Variants in DCLK2 observed in about 807,000 individuals in gnomAD.
DCLK2 encodes serine/threonine-protein kinase DCLK2.
In DCLK2, 31 loss-of-function variants were observed where a neutral mutation model predicts 78.4. The observed-to-expected ratio is 0.40, with a 90% CI of 0.30 to 0.53. The LOEUF (loss-of-function observed/expected upper bound fraction) is 0.53. Among genes scored for constraint, DCLK2 ranks in the 20% least tolerant of loss-of-function variants. The probability of loss-of-function intolerance (pLI) is 0.61; values close to 1 mark genes in which losing one functional copy is unlikely to be tolerated. For missense variants in DCLK2, 872 were observed against 973.7 expected, an observed-to-expected ratio of 0.90 and a Z score of 1.39; for synonymous variants, 407 against 374.9, an observed-to-expected ratio of 1.09 and a Z score of -0.99.
At chr4:150,126,451 T>C (rs938436256) in intron 2 of DCLK2, among the ~76,000 whole-genome samples, 2 of 152,188 alleles carry the variant, frequency 1.3e-5, no homozygotes, top group Non-Finnish European at 2.9e-5. Context: ...TAACTCTTTG[T>C]AGAGGCATCA....
intron 4 of DCLK2, among the ~76,000 whole-genome samples, chr4:150,200,975 G>A (rs1212667933): frequency 2.0e-5 from 3 of 152,100 alleles, no homozygotes; most frequent in African/African-American, 7.2e-5. Context: ...GCGCCACCAC[G>A]CCTGGCTAAT....
At position 150,252,941 on chromosome 4, in the gene DCLK2, A is replaced by G. The variant is rs142235746; in HGVS notation, c.2074-3079A>G. 5.4e-3 allele frequency among the ~76,000 whole-genome samples: 818 copies of G among 152,294 alleles called. 4 individuals carry two copies. The highest frequency in any genetic ancestry group is 8.6e-3 in the Admixed American group (131 of 15,304). On this transcript the variant is annotated intron_variant, in intron 15 of 15. Transcript: ENST00000296550. ...CTGGTGGCACCCATTCTCGATGGCCAAAACACCAGCCTGTGACTTTTGGGC... is the reference window on the plus strand; with the variant it reads ...CTGGTGGCACCCATTCTCGATGGCCGAAACACCAGCCTGTGACTTTTGGGC...
chr4:150,130,484 T>C (rs1733234909), intron 2 of DCLK2, among the ~76,000 whole-genome samples: 1 of 152,006 alleles, frequency 6.6e-6, no homozygotes, highest in African/African-American at 2.4e-5. Context: ...CGTACAGCAG[T>C]AGCAGCAGCA....
intron 2 of DCLK2, among the ~76,000 whole-genome samples, chr4:150,190,270 GATA>G (rs1560850982): frequency 3.4e-5 from 5 of 147,572 alleles, no homozygotes; most frequent in African/African-American, 7.9e-5. Flanking sequence ...TAGATAGATA[GATA>G]GATAGATAGA....
chr4:150,198,456 T>A (rs369932356), intron 4 of DCLK2, among the ~76,000 whole-genome samples: 3 of 143,394 alleles, frequency 2.1e-5, no homozygotes, highest in African/African-American at 7.4e-5. Flanking sequence ...ATTATCTCTT[T>A]TTTTTAAAAC....
At chr4:150,249,522 G>A (rs763395581) in intron 14 of DCLK2, 46 bp from the exon 15 acceptor site, 12 of 1,547,810 alleles carry the variant, frequency 7.8e-6, no homozygotes, top group African/African-American at 1.4e-5. Context: ...CAACTCAAAC[G>A]GGAGGATGGA....
At chr4:150,226,877 T>C (rs995050051) in intron 8 of DCLK2, among the ~76,000 whole-genome samples, 1 of 152,212 alleles carries the variant, frequency 6.6e-6, no homozygotes, top group Non-Finnish European at 1.5e-5. Flanking sequence ...ATATAGAGAA[T>C]TTTTGTTAAT....
chr4:150,138,267 A>G (rs1177331004), intron 2 of DCLK2, among the ~76,000 whole-genome samples: 1 of 152,148 alleles, frequency 6.6e-6, no homozygotes, highest in Non-Finnish European at 1.5e-5. Flanking sequence ...TAGCTGTGGG[A>G]TGTTGTGCAA....
chr4:150,119,259 T>G (rs2150179664), intron 2 of DCLK2, among the ~76,000 whole-genome samples: 1 of 152,290 alleles, frequency 6.6e-6, no homozygotes, highest in African/African-American at 2.4e-5. Context: ...TCAGTCTATC[T>G]GTGGATATTA....
chr4:150,098,698 CTTTTTTT>C (rs59616581), intron 1 of DCLK2, among the ~76,000 whole-genome samples: 2 of 129,106 alleles, frequency 1.5e-5, no homozygotes, highest in Non-Finnish European at 3.2e-5. Flanking sequence ...TTTTCTTTTT[CTTTTTTT>C]TTTTTTTTTG....
rs1340496393 is a variant in DCLK2 at position 150,232,366 on chromosome 4, A to C, written c.1329A>C (p.Ile443=). 10 of 1,614,178 alleles carry C rather than the reference A, an allele frequency of 6.2e-6. No individual in the cohort carries two copies. Among genetic ancestry groups the C allele is most frequent in the Non-Finnish European group, 8.5e-6 (10 of 1,180,004 alleles). The part of the protein sequence containing the change: ...KEHLIENEVS[I]LRRVKHPNII... ...ACCTGATTGAGAATGAAGTGTCAAT[A>C]CTGCGCCGAGTGAAACATCCCAATA... The change falls in exon 9 of 16, where the codon ATA becomes ATC. Residue 443 remains isoleucine, a synonymous_variant. Transcript: ENST00000296550.
intron 1 of DCLK2, among the ~76,000 whole-genome samples, chr4:150,095,659 T>G (rs985905476): frequency 2.0e-5 from 3 of 152,214 alleles, no homozygotes; most frequent in African/African-American, 7.2e-5. Flanking sequence ...GGTCATTGGA[T>G]GTGTGTTGTT....
chr4:150,250,365 A>G (rs1006889050), intron 15 of DCLK2, among the ~76,000 whole-genome samples: 1 of 152,122 alleles, frequency 6.6e-6, no homozygotes, highest in African/African-American at 2.4e-5. Flanking sequence ...TCAAAAGGAA[A>G]AAACATTGAA....
chr4:150,247,220 C>A (rs1014025509), intron 12 of DCLK2, among the ~76,000 whole-genome samples: 1 of 151,954 alleles, frequency 6.6e-6, no homozygotes, highest in Non-Finnish European at 1.5e-5. Context: ...GGTAAATATA[C>A]ATAAGAAAAT....
rs1194747605 is a variant in DCLK2 at position 150,175,050 on chromosome 4, ATT to A, written c.757-18086_757-18085del. 1.8e-3 allele frequency among the ~76,000 whole-genome samples: 58 copies of A among 32,768 alleles called. 8 individuals are homozygous for A. The highest frequency in any genetic ancestry group is 3.4e-3 in the Non-Finnish European group (51 of 14,924). 21.5% of individuals were successfully genotyped at this position (32,768 alleles called of 152,430 possible). A position where few individuals can be genotyped will look rare whatever the true frequency, so the allele number is the denominator to read the frequency against. ...TATATATATTTATATATATTTATATATTTATATATATATTTATATATATTTAT... is the reference window on the plus strand; with the variant it reads ...TATATATATTTATATATATTTATATATATATATATATTTATATATATTTAT... On this transcript the variant is annotated intron_variant, in intron 2 of 15. Transcript: ENST00000296550.
At chr4:150,144,406 T>A (rs1734312689) in intron 2 of DCLK2, among the ~76,000 whole-genome samples, 1 of 152,222 alleles carries the variant, frequency 6.6e-6, no homozygotes, top group Admixed American at 6.5e-5. Context: ...GTGGCTTTAT[T>A]TCTGGGTTCT....
intron 15 of DCLK2, among the ~76,000 whole-genome samples, chr4:150,250,792 C>G (rs1743738511): frequency 6.6e-6 from 1 of 151,196 alleles, no homozygotes; most frequent in Non-Finnish European, 1.5e-5. Context: ...TGTCTGAGAG[C>G]CTTACCTAGG....
chr4:150,208,713 G>A (rs62346572), intron 5 of DCLK2, among the ~76,000 whole-genome samples: 26,454 of 152,006 alleles, frequency 0.17, 2,442 homozygotes, highest in Non-Finnish European at 0.21. Context: ...TTCCTGAGAG[G>A]CTTGGGGGAA....
At chr4:150,101,511 T>C (rs1232679526) in intron 1 of DCLK2, among the ~76,000 whole-genome samples, 1 of 152,170 alleles carries the variant, frequency 6.6e-6, no homozygotes, top group African/African-American at 2.4e-5. Flanking sequence ...TTATACTGAA[T>C]ATGTGAAAAA....
Sources: allele counts gnomAD v4.1 joint callset (sites outside exome capture counted in the v4.1 genomes callset), GRCh38; gene constraint gnomAD v4.1.1; transcripts MANE v1.5; gene names NCBI Gene and HGNC (gene_info 2026-07-23, HGNC 2026-07-21).